RCOR3: variants seen among roughly 807,000 people sequenced by gnomAD.
The protein encoded by RCOR3 is REST corepressor 3.
A neutral mutation model predicts 64.1 loss-of-function variants in RCOR3; 13 were observed. The ratio of observed to expected loss-of-function variants is 0.20; its 90% CI spans 0.13 to 0.32. RCOR3 has a LOEUF of 0.32. RCOR3 is among the 10% of genes least tolerant of loss of function. The pLI is 1.00. For synonymous variants in RCOR3, 215 were observed against 239.0 expected, an observed-to-expected ratio of 0.90 and a Z score of 0.93; for missense variants, 489 against 701.2, an observed-to-expected ratio of 0.70 and a Z score of 3.42.
intron 6 of RCOR3, among the ~76,000 whole-genome samples, 172 bp downstream of exon 6, chr1:211,278,413 CT>C (rs1019699629): frequency 6.6e-5 from 10 of 152,132 alleles, no homozygotes; most frequent in African/African-American, 2.4e-4. Flanking sequence ...ATATTAAGAG[CT>C]CTTTCACCTC....
In RCOR3 at chr1:211,274,140, A is replaced by G. The variant is rs1487276560; in HGVS notation, c.302-70A>G. 4 of 1,077,988 alleles carry G rather than the reference A, an allele frequency of 3.7e-6. No individual in the cohort carries two copies. In the East Asian group the frequency reaches 1.1e-4, roughly 29 times the overall value. 66.8% of individuals were successfully genotyped at this position (1,077,988 alleles called of 1,614,324 possible). A position where few individuals can be genotyped will look rare whatever the true frequency, so the allele number is the denominator to read the frequency against. ...TAAATTGTTTTAATTTGCTATGTTAAGAACAAAAGTAGACCTAGGTAAATG... is the reference window on the plus strand; with the variant it reads ...TAAATTGTTTTAATTTGCTATGTTAGGAACAAAAGTAGACCTAGGTAAATG... On this transcript the variant is annotated intron_variant, in intron 3 of 11. Coordinates refer to ENST00000419091, the MANE Select transcript of RCOR3 (RefSeq NM_001136223.3).
At chr1:211,278,365 C>A in intron 6 of RCOR3, 124 bp downstream of exon 6, 1 of 1,141,512 alleles carries the variant, frequency 8.8e-7, no homozygotes, top group Non-Finnish European at 1.2e-6. Context: ...ATTTATGTTT[C>A]TACTCTGACA....
intron 4 of RCOR3, 96 bp downstream of exon 4, chr1:211,274,358 C>A: frequency 1.3e-6 from 1 of 761,590 alleles, no homozygotes; most frequent in African/African-American, 1.8e-5. Context: ...CGTGCATAAG[C>A]TTGACCAGCT....
intron 2 of RCOR3, among the ~76,000 whole-genome samples, chr1:211,260,561 C>T (rs1202387484): frequency 3.3e-5 from 5 of 151,976 alleles, no homozygotes; most frequent in Admixed American, 2.6e-4. Context: ...GCCCCGGCGC[C>T]GAGGGCCGCG....
intron 2 of RCOR3, among the ~76,000 whole-genome samples, chr1:211,263,681 C>T (rs909372846): frequency 9.8e-5 from 15 of 152,304 alleles, no homozygotes; most frequent in Admixed American, 6.5e-5. Context: ...CTCTGTCATT[C>T]AACATTATAC....
intron 7 of RCOR3, among the ~76,000 whole-genome samples, chr1:211,284,911 GCT>G (rs1233400016): frequency 1.3e-5 from 2 of 152,112 alleles, no homozygotes; most frequent in Admixed American, 1.3e-4. Context: ...CATATGCCTG[GCT>G]CTCTATTCTG....
intron 8 of RCOR3, among the ~76,000 whole-genome samples, chr1:211,293,041 G>A (rs1430999591): frequency 1.3e-5 from 2 of 151,490 alleles, no homozygotes; most frequent in African/African-American, 2.4e-5. Flanking sequence ...CCGAGATCGC[G>A]CCACTGCACT....
At position 211,304,153 on chromosome 1, in the gene RCOR3, T is replaced by C; in HGVS notation, c.1075+13T>C. On this transcript the variant is annotated intron_variant, in intron 10 of 11. Transcript: ENST00000419091. ...CTAGCAGTGCAAGGTATATTAAAGA[T>C]AAGCAGTTATTGTTGTTAATAATTA... is the stretch of plus-strand genomic sequence containing the variant. 6.4e-7 allele frequency: 1 copy of C among 1,553,814 alleles called. No individual in the cohort carries two copies.
At position 211,304,067 on chromosome 1, in the gene RCOR3, C is replaced by T; in HGVS notation, c.1018-16C>T. The stretch of plus-strand genomic sequence containing the variant: ...TCTTCATATCCTCATTAGGAAACTT[C>T]TCTTTAATTTTGTAGTCAAATCAGA... On this transcript the variant is annotated splice_polypyrimidine_tract_variant and intron_variant, in intron 9 of 11. Transcript: ENST00000419091. The T allele has an allele frequency of 6.3e-7, 1 of 1,589,908 alleles. No homozygotes were observed. Among genetic ancestry groups the T allele is most frequent in the Non-Finnish European group, 8.6e-7 (1 of 1,169,116 alleles).
At chr1:211,261,825 G>T (rs1162170621) in intron 2 of RCOR3, among the ~76,000 whole-genome samples, 2 of 137,486 alleles carry the variant, frequency 1.5e-5, no homozygotes, top group East Asian at 4.8e-4. Context: ...GGAGGCTGAG[G>T]CAGGAGAATC....
At chr1:211,279,014 C>T (rs1697398892) in intron 6 of RCOR3, among the ~76,000 whole-genome samples, 1 of 151,996 alleles carries the variant, frequency 6.6e-6, no homozygotes, top group Non-Finnish European at 1.5e-5. Context: ...TGGTGAAACC[C>T]CGTCTCTACT....
chr1:211,274,085 G>A, intron 3 of RCOR3, 125 bp from the exon 4 acceptor site: 1 of 465,114 alleles, frequency 2.2e-6, no homozygotes, highest in South Asian at 3.2e-5. Context: ...CATGGGAGGT[G>A]CCTTTGGCTT....
At chr1:211,259,966 G>A in intron 1 of RCOR3, 142 bp from the exon 2 acceptor site, 1 of 1,229,674 alleles carries the variant, frequency 8.1e-7, no homozygotes. Context: ...CCATCTCCCG[G>A]AGTGCCCCGA....
chr1:211,311,399 T>A (rs1253320357), intron 10 of RCOR3, among the ~76,000 whole-genome samples: 1 of 152,174 alleles, frequency 6.6e-6, no homozygotes, highest in Non-Finnish European at 1.5e-5. Flanking sequence ...AGACCTCCTG[T>A]CCAGAATGCT....
chr1:211,313,460 TCACCTCCTGCCC>T lies in RCOR3; in HGVS notation c.1357_1368del (p.Pro453_Pro456del). 6.2e-7 allele frequency: 1 copy of T among 1,613,984 alleles called. No homozygotes were observed. Among genetic ancestry groups the T allele is most frequent in the Non-Finnish European group, 8.5e-7 (1 of 1,179,954 alleles). ...ACAGGCTCCTCGGACACTGGGTCCATCACCTCCTGCCCCATCATCCACTCCAACACCAACAGC... is the reference window on the plus strand; with the variant it reads ...ACAGGCTCCTCGGACACTGGGTCCATCATCATCCACTCCAACACCAACAGC... On this transcript the variant is annotated inframe_deletion, in exon 12 of 12. Transcript: ENST00000419091. This position sits in a 1 kb window ranked among gnomAD's most constrained non-coding sequence, Gnocchi z 4.7.
intron 2 of RCOR3, chr1:211,260,982 G>A (rs2102406414): frequency 6.6e-6 from 1 of 152,344 alleles, no homozygotes. Flanking sequence ...CGAGAGTTCC[G>A]CATATGGAGG....
chr1:211,289,347 A>T lies in RCOR3; in HGVS notation c.890A>T (p.Asn297Ile), dbSNP rs370617252. The T allele has an allele frequency of 4.8e-5, 77 of 1,614,066 alleles. No individual in the cohort carries two copies. The highest frequency in any genetic ancestry group is 6.3e-5 in the Non-Finnish European group (74 of 1,180,026). Residue 297 changes from asparagine to isoleucine, a missense_variant, in exon 8 of 12, where the codon AAC becomes ATC. By Grantham distance (149) the Asn-to-Ile change is moderately radical. This residue lies in a region of RCOR3 where 402 missense variants were observed against 617.0 expected (regional missense o/e 0.65). Transcript: ENST00000419091. ...GTTTCCTGTAGTCCCAATGCAGCCA[A>T]CACCATCCTGAGGCAACTGGACATG... ...VAVSCSPNAA[N>I]TILRQLDMEL...
At chr1:211,303,112 C>T (rs1437085261) in intron 9 of RCOR3, 2 of 152,162 alleles carry the variant, frequency 1.3e-5, no homozygotes, top group African/African-American at 2.4e-5. Context: ...GCCCTGCTGT[C>T]CCTTTTTAAT....
At chr1:211,288,837 T>TC (rs987651671) in intron 7 of RCOR3, among the ~76,000 whole-genome samples, 22 of 152,086 alleles carry the variant, frequency 1.4e-4, no homozygotes, top group East Asian at 1.9e-4. Context: ...AGGTGGCTTT[T>TC]CCCCCCCTTT....
Sources: gnomAD v4.1 joint callset for allele counts (sites outside exome capture counted in the v4.1 genomes callset) on GRCh38, gnomAD v4.1.1 for gene constraint, gnomAD v4.1.1 regional missense constraint, Gnocchi (gnomAD v3.1) non-coding constraint, MANE v1.5 for transcripts, NCBI Gene and HGNC (gene_info 2026-07-23, HGNC 2026-07-21) for gene names.